Variants in DACH1 observed in about 807,000 individuals in gnomAD.
The protein encoded by DACH1 is dachshund family transcription factor 1, also known as dachshund homolog 1.
In DACH1, 12 loss-of-function variants were observed where a neutral mutation model predicts 54.2. That is an observed-to-expected ratio of 0.22 (90% CI 0.14 to 0.36). DACH1 has a LOEUF of 0.36. Among genes scored for constraint, DACH1 ranks in the 10% least tolerant of loss-of-function variants. The probability of loss-of-function intolerance (pLI) is 1.00; values close to 1 mark genes in which losing one functional copy is unlikely to be tolerated. For missense variants in DACH1, 805 were observed against 929.8 expected (o/e 0.87, Z 1.75); for synonymous variants, 386 against 366.2 (o/e 1.05, Z -0.62).
At chr13:71,574,000 T>A (rs1220670178) in intron 3 of DACH1, among the ~76,000 whole-genome samples, 1 of 152,114 alleles carries the variant, frequency 6.6e-6, no homozygotes, top group Non-Finnish European at 1.5e-5. Flanking sequence ...ATCCAAAAAA[T>A]GAAGCCATTA....
intron 1 of DACH1, among the ~76,000 whole-genome samples, chr13:71,694,024 T>TA (rs1178320196): frequency 1.4e-4 from 21 of 151,968 alleles, no homozygotes; most frequent in Non-Finnish European, 3.1e-4. Flanking sequence ...CAAATGAGGG[T>TA]AAAAAAACCT....
chr13:71,473,612 C>T (rs1877271076), intron 10 of DACH1, among the ~76,000 whole-genome samples: 1 of 152,112 alleles, frequency 6.6e-6, no homozygotes, highest in Non-Finnish European at 1.5e-5. Flanking sequence ...ATATCATCAA[C>T]CATACAAAAA....
intron 1 of DACH1, among the ~76,000 whole-genome samples, chr13:71,722,310 G>A (rs1363279858): frequency 6.6e-6 from 1 of 152,044 alleles, no homozygotes; most frequent in Non-Finnish European, 1.5e-5. Flanking sequence ...ATATCAACTT[G>A]CTTCTTTCCT....
In DACH1 at chr13:71,680,488, T is replaced by C. The variant is rs118000734; in HGVS notation, c.964+1307A>G. Among the ~76,000 whole-genome samples, 1,383 of 152,178 alleles carry C rather than the reference T, an allele frequency of 9.1e-3. 9 individuals are homozygous for C. The highest frequency in any genetic ancestry group is 0.048 in the Middle Eastern group (14 of 294). ...GCATGGTGGCCTGTGCCTGTAGTTA[T>C]AGCTACTCAGAAGGCTGAGGTGGGA... On this transcript the variant is annotated intron_variant, in intron 2 of 10. Coordinates refer to ENST00000613252, the MANE Select transcript of DACH1 (RefSeq NM_080759.6).
At chr13:71,477,010 A>C (rs1310898854) in intron 8 of DACH1, among the ~76,000 whole-genome samples, 2 of 149,196 alleles carry the variant, frequency 1.3e-5, no homozygotes, top group East Asian at 2.0e-4. Flanking sequence ...GAATAATCAA[A>C]TTATAAAATA....
chr13:71,733,330 T>C (rs1883836481), intron 1 of DACH1, among the ~76,000 whole-genome samples: 1 of 151,898 alleles, frequency 6.6e-6, no homozygotes, highest in Non-Finnish European at 1.5e-5. Flanking sequence ...CCTGGCCAAG[T>C]TTTTTGTTTG....
chr13:71,599,853 A>ACACG (rs1341920251), intron 3 of DACH1, among the ~76,000 whole-genome samples: 3 of 151,072 alleles, frequency 2.0e-5, no homozygotes, highest in Non-Finnish European at 4.4e-5. Flanking sequence ...ACACACACAC[A>ACACG]CGCACACACA....
At chr13:71,674,723 G>A (rs1168553494) in intron 2 of DACH1, among the ~76,000 whole-genome samples, 1 of 1,844 alleles carries the variant, frequency 5.4e-4, no homozygotes, top group Non-Finnish European at 1.3e-3. Context: ...AATTTGTTAC[G>A]GCAGGCACAG....
intron 1 of DACH1, among the ~76,000 whole-genome samples, chr13:71,698,209 A>T (rs1434916145): frequency 6.6e-6 from 1 of 152,118 alleles, no homozygotes; most frequent in African/African-American, 2.4e-5. Flanking sequence ...TAAATAAGTA[A>T]ATAATAAAAC....
At chr13:71,460,593 A>C (rs184957101) in intron 10 of DACH1, among the ~76,000 whole-genome samples, 340 of 152,166 alleles carry the variant, frequency 2.2e-3, no homozygotes, top group South Asian at 4.8e-3. Context: ...GTTGGGAGCC[A>C]GTGAAGAGGT....
chr13:71,745,390 C>T (rs1200926481), intron 1 of DACH1, among the ~76,000 whole-genome samples: 1 of 152,186 alleles, frequency 6.6e-6, no homozygotes, highest in Non-Finnish European at 1.5e-5. Context: ...TCAGATATGA[C>T]CTCACAGTAT....
chr13:71,859,676 A>G (rs1874229149), intron 1 of DACH1, among the ~76,000 whole-genome samples: 1 of 151,886 alleles, frequency 6.6e-6, no homozygotes, highest in Non-Finnish European at 1.5e-5. Context: ...AAAGTAATCC[A>G]CCAGTAATCT....
chr13:71,489,353 C>T (rs971964255), intron 6 of DACH1, among the ~76,000 whole-genome samples: 1 of 152,036 alleles, frequency 6.6e-6, no homozygotes, highest in African/African-American at 2.4e-5. Context: ...CTTTATAAGC[C>T]TTTTAAATGC....
rs574549328 is a variant in DACH1, at chr13:71,766,840, TA to T, written c.849-84931del. Among the ~76,000 whole-genome samples the T allele has an allele frequency of 3.3e-3, 487 of 146,538 alleles. 13 individuals are homozygous for T. Among genetic ancestry groups the T allele is most frequent in the Admixed American group, 0.027 (393 of 14,676 alleles). On this transcript the variant is annotated intron_variant, in intron 1 of 10. Transcript: ENST00000613252. ...GTCAGTTTCCTCCTGAGAAAAGGCT[TA>T]AAAAAAAAAAGCTCTCACTTAATTA...
chr13:71,862,097 C>T (rs1187946168), intron 1 of DACH1, among the ~76,000 whole-genome samples: 3 of 151,988 alleles, frequency 2.0e-5, no homozygotes, highest in South Asian at 4.1e-4. Flanking sequence ...ATAAGACTAA[C>T]TGGAATCTAC....
At chr13:71,712,441 A>G (rs752579471) in intron 1 of DACH1, among the ~76,000 whole-genome samples, 3 of 152,140 alleles carry the variant, frequency 2.0e-5, no homozygotes, top group Non-Finnish European at 4.4e-5. Flanking sequence ...TTTAGCTGTA[A>G]TATTTTATAG....
intron 3 of DACH1, among the ~76,000 whole-genome samples, chr13:71,619,581 A>T (rs937246241): frequency 6.6e-6 from 1 of 152,006 alleles, no homozygotes; most frequent in Admixed American, 6.6e-5. Flanking sequence ...TTGAAATTGT[A>T]CTTCAGTGAA....
At chr13:71,663,621 T>G (rs1390913417) in intron 2 of DACH1, among the ~76,000 whole-genome samples, 1 of 151,934 alleles carries the variant, frequency 6.6e-6, no homozygotes, top group Non-Finnish European at 1.5e-5. Context: ...GCCACCAATA[T>G]TTAGTGGTTA....
At chr13:71,810,682 T>C (rs772724663) in intron 1 of DACH1, among the ~76,000 whole-genome samples, 4 of 152,160 alleles carry the variant, frequency 2.6e-5, no homozygotes, top group Non-Finnish European at 5.9e-5. Flanking sequence ...TTTAGCACAA[T>C]GATATCTAAA....
Sources: gnomAD v4.1 joint callset for allele counts (sites outside exome capture counted in the v4.1 genomes callset) on GRCh38, gnomAD v4.1.1 for gene constraint, MANE v1.5 for transcripts, NCBI Gene and HGNC (gene_info 2026-07-23, HGNC 2026-07-21) for gene names.